PEX14: variants seen among roughly 807,000 people sequenced by gnomAD.
PEX14 encodes the protein peroxisomal membrane protein PEX14.
In PEX14, 15 loss-of-function variants were observed where a neutral mutation model predicts 49.5. The ratio of observed to expected loss-of-function variants is 0.30; its 90% CI spans 0.20 to 0.47. The LOEUF (loss-of-function observed/expected upper bound fraction) is 0.47. Ranked by LOEUF, PEX14 falls within the 20% of genes least tolerant of loss-of-function variation. The pLI is 1.00. For missense variants in PEX14, 398 were observed against 494.8 expected (o/e 0.80, Z 1.86); for synonymous variants, 210 against 212.7 (o/e 0.99, Z 0.11).
chr1:10,546,592 T>C (rs1025280252), intron 3 of PEX14, among the ~76,000 whole-genome samples: 3 of 97,714 alleles, frequency 3.1e-5, no homozygotes, highest in East Asian at 3.0e-4. Flanking sequence ...AAAGGCTAGG[T>C]GCGGTGGCTC....
At chr1:10,559,618 CCCA>C (rs1365891849) in intron 3 of PEX14, among the ~76,000 whole-genome samples, 1 of 152,144 alleles carries the variant, frequency 6.6e-6, no homozygotes, top group African/African-American at 2.4e-5. Flanking sequence ...GCAGCCTCCC[CCCA>C]CCACCACCCA....
intron 2 of PEX14, among the ~76,000 whole-genome samples, chr1:10,523,607 C>T (rs558952034): frequency 1.8e-4 from 27 of 147,530 alleles, no homozygotes; most frequent in Non-Finnish European, 3.1e-4. Context: ...AGGCCAGGTT[C>T]ATGACAGTAT....
intron 1 of PEX14, among the ~76,000 whole-genome samples, chr1:10,478,077 G>T (rs1276217037): frequency 6.6e-6 from 1 of 151,790 alleles, no homozygotes; most frequent in African/African-American, 2.4e-5. Flanking sequence ...AAGTAGAAAT[G>T]GGGTTTCACC....
intron 3 of PEX14, among the ~76,000 whole-genome samples, chr1:10,547,328 C>G (rs1639206031): frequency 6.6e-6 from 1 of 152,234 alleles, no homozygotes; most frequent in Non-Finnish European, 1.5e-5. Context: ...GAACAGCAGT[C>G]CTCTGCCTCA....
chr1:10,584,723 C>T (rs575994218), intron 3 of PEX14, among the ~76,000 whole-genome samples: 9 of 152,276 alleles, frequency 5.9e-5, no homozygotes, highest in African/African-American at 2.2e-4. Context: ...AAGGAAAATA[C>T]AGACATTTCC....
Position 10,629,469 on chromosome 1 carries a change from G to A in PEX14, c.678-62G>A. ...GCCCTTGCGGGTCAGGGAAGGCGTG[G>A]CCCTTCGAAGGGGGGCGTCCTGAAT... On this transcript the variant is annotated intron_variant, in intron 8 of 8. Coordinates refer to ENST00000356607, the MANE Select transcript of PEX14 (RefSeq NM_004565.3). This position sits in a 1 kb window ranked among gnomAD's most constrained non-coding sequence, Gnocchi z 8.5. The A allele has an allele frequency of 8.5e-7, 1 of 1,171,318 alleles. No homozygotes were observed. The highest frequency in any genetic ancestry group is 1.3e-6 in the Non-Finnish European group (1 of 787,160). 72.6% of individuals were successfully genotyped at this position (1,171,318 alleles called of 1,614,324 possible). A position where few individuals can be genotyped will look rare whatever the true frequency, so the allele number is the denominator to read the frequency against.
chr1:10,523,249 A>C (rs1257458797), intron 2 of PEX14, among the ~76,000 whole-genome samples: 1 of 152,208 alleles, frequency 6.6e-6, no homozygotes, highest in Non-Finnish European at 1.5e-5. Flanking sequence ...GCTTGTATAT[A>C]AAATAAATAG....
At position 10,520,148 on chromosome 1, in the gene PEX14, C is replaced by CTTTTTTTTTTTTTTG. The variant is rs1553185420; in HGVS notation, c.85-16057_85-16043dup. Among the ~76,000 whole-genome samples the CTTTTTTTTTTTTTTG allele has an allele frequency of 6.6e-3, 458 of 69,136 alleles. 8 individuals carry two copies. Among genetic ancestry groups the CTTTTTTTTTTTTTTG allele is most frequent in the African/African-American group, 0.018 (433 of 23,516 alleles). The allele number at this position is 69,136 out of a possible 152,430, so 45.4% of individuals were successfully genotyped here. Reference sequence around the variant, plus strand: ...AGCTGTTGTGCCTGGCCTTCTTCTTCTTTTTTTTTTTTTTGTTTTTTTAAC... The same window carrying CTTTTTTTTTTTTTTG: ...AGCTGTTGTGCCTGGCCTTCTTCTTCTTTTTTTTTTTTTTGTTTTTTTTTTTTTTGTTTTTTTAAC... On this transcript the variant is annotated intron_variant, in intron 2 of 8. Coordinates refer to ENST00000356607, the MANE Select transcript of PEX14 (RefSeq NM_004565.3).
At chr1:10,565,877 T>C (rs957286297) in intron 3 of PEX14, among the ~76,000 whole-genome samples, 1 of 152,062 alleles carries the variant, frequency 6.6e-6, no homozygotes, top group South Asian at 2.1e-4. Flanking sequence ...TGGTAGCACA[T>C]GCCTGTAGTC....
chr1:10,589,804 T>C (rs538409221), intron 3 of PEX14, among the ~76,000 whole-genome samples: 1 of 152,366 alleles, frequency 6.6e-6, no homozygotes, highest in South Asian at 2.1e-4. Context: ...ACTCTTGCGA[T>C]AGAGTGCTGA....
intron 3 of PEX14, among the ~76,000 whole-genome samples, chr1:10,590,017 A>G (rs934297139): frequency 6.6e-6 from 1 of 152,180 alleles, no homozygotes; most frequent in Non-Finnish European, 1.5e-5. Context: ...CCCCCGCCCC[A>G]TGCTGTATAG....
chr1:10,534,258 G>T (rs980244903), intron 2 of PEX14, among the ~76,000 whole-genome samples: 1 of 152,028 alleles, frequency 6.6e-6, no homozygotes, highest in South Asian at 2.1e-4. Context: ...CTATCCCCAC[G>T]CCATCTGAGC....
chr1:10,564,563 A>C (rs1053183813), intron 3 of PEX14, among the ~76,000 whole-genome samples: 1 of 150,560 alleles, frequency 6.6e-6, no homozygotes, highest in African/African-American at 2.4e-5. Context: ...AGGTGTGAGC[A>C]ACCACACCTG....
At chr1:10,592,554 T>C (rs915521589) in intron 3 of PEX14, among the ~76,000 whole-genome samples, 4 of 152,214 alleles carry the variant, frequency 2.6e-5, no homozygotes, top group African/African-American at 7.2e-5. Flanking sequence ...GTTCGCCAGT[T>C]ATACTACTCC....
chr1:10,515,955 A>G (rs1442611243), intron 2 of PEX14, among the ~76,000 whole-genome samples: 2 of 152,202 alleles, frequency 1.3e-5, no homozygotes, highest in African/African-American at 4.8e-5. Flanking sequence ...CCATGCCAGG[A>G]AACAAGACAG....
chr1:10,476,524 G>A (rs184731501), intron 1 of PEX14, among the ~76,000 whole-genome samples: 149 of 152,204 alleles, frequency 9.8e-4, no homozygotes, highest in African/African-American at 3.5e-3. Context: ...TTCTTAAGAC[G>A]GAGTCTCTCT....
intron 2 of PEX14, among the ~76,000 whole-genome samples, chr1:10,520,465 C>G (rs1454184405): frequency 6.6e-6 from 1 of 152,098 alleles, no homozygotes. Flanking sequence ...GCCCTGAAAA[C>G]TACTTTTCTA....
intron 1 of PEX14, among the ~76,000 whole-genome samples, chr1:10,487,016 T>C (rs1641381435): frequency 6.6e-6 from 1 of 152,160 alleles, no homozygotes; most frequent in Non-Finnish European, 1.5e-5. Flanking sequence ...AAAAAAAAAT[T>C]ATTTTTGAAT....
intron 2 of PEX14, among the ~76,000 whole-genome samples, chr1:10,508,269 C>T (rs1430581026): frequency 2.6e-5 from 4 of 151,970 alleles, no homozygotes; most frequent in African/African-American, 9.7e-5. Context: ...TACAGTGGTG[C>T]GATCTCGGCT....
Sources: gnomAD v4.1 joint callset for allele counts (sites outside exome capture counted in the v4.1 genomes callset) on GRCh38, gnomAD v4.1.1 for gene constraint, Gnocchi (gnomAD v3.1) non-coding constraint, MANE v1.5 for transcripts, NCBI Gene and HGNC (gene_info 2026-07-23, HGNC 2026-07-21) for gene names.